CADM2: variants seen among roughly 807,000 people sequenced by gnomAD.
The protein encoded by CADM2 is immunoglobulin superfamily member 4D.
Under a neutral mutation model 49.8 loss-of-function variants are expected in CADM2, and 12 were observed. That is an observed-to-expected ratio of 0.24 (90% confidence interval 0.15 to 0.39). The LOEUF (loss-of-function observed/expected upper bound fraction) is 0.39. Ranked by LOEUF, CADM2 falls within the 10% of genes least tolerant of loss-of-function variation. The pLI is 1.00. For missense variants in CADM2, 378 were observed against 492.3 expected, an observed-to-expected ratio of 0.77 and a Z score of 2.20; for synonymous variants, 214 against 175.4, an observed-to-expected ratio of 1.22 and a Z score of -1.74.
chr3:85,886,637 C>A (rs530651420), intron 5 of CADM2, among the ~76,000 whole-genome samples: 2 of 151,994 alleles, frequency 1.3e-5, no homozygotes, highest in Non-Finnish European at 2.9e-5. Flanking sequence ...CACAATAGTA[C>A]ATATTAGATA....
At chr3:85,857,369 A>G (rs992951809) in intron 3 of CADM2, among the ~76,000 whole-genome samples, 7 of 152,212 alleles carry the variant, frequency 4.6e-5, no homozygotes, top group Non-Finnish European at 7.3e-5. Flanking sequence ...AAATGTCCCA[A>G]TAGCCCTAGG....
At chr3:85,111,783 C>G (rs146166785) in intron 1 of CADM2, among the ~76,000 whole-genome samples, 4 of 151,882 alleles carry the variant, frequency 2.6e-5, no homozygotes, top group East Asian at 3.9e-4. Context: ...AGTATAAATA[C>G]TTGAGGTAAT....
chr3:85,329,210 G>A (rs2044840404), intron 1 of CADM2, among the ~76,000 whole-genome samples: 1 of 152,132 alleles, frequency 6.6e-6, no homozygotes, highest in Admixed American at 6.5e-5. Flanking sequence ...AAGCCACTCA[G>A]TTTGTCCTAC....
At chr3:85,660,456 G>GT (rs2065366397) in intron 1 of CADM2, among the ~76,000 whole-genome samples, 1 of 145,810 alleles carries the variant, frequency 6.9e-6, no homozygotes, top group Admixed American at 6.9e-5. Context: ...TTTTTTTTTA[G>GT]CTCAAAATGA....
intron 1 of CADM2, among the ~76,000 whole-genome samples, chr3:85,657,401 G>A (rs926685200): frequency 2.6e-5 from 4 of 152,012 alleles, no homozygotes; most frequent in African/African-American, 9.7e-5. Context: ...CTCAGTAAAT[G>A]TTAGTTCTCA....
chr3:85,370,241 A>ATAATAG (rs1553714606), intron 1 of CADM2, among the ~76,000 whole-genome samples: 3 of 146,844 alleles, frequency 2.0e-5, no homozygotes, highest in African/African-American at 7.4e-5. Context: ...AATAATAATA[A>ATAATAG]TAATAATAAT....
intron 6 of CADM2, among the ~76,000 whole-genome samples, chr3:85,913,345 T>A (rs1717874006): frequency 6.6e-6 from 1 of 152,156 alleles, no homozygotes; most frequent in Non-Finnish European, 1.5e-5. Flanking sequence ...GAATAGAGGA[T>A]AGGAGATAAT....
chr3:85,034,137 G>A (rs2035104949), intron 1 of CADM2, among the ~76,000 whole-genome samples: 1 of 152,032 alleles, frequency 6.6e-6, no homozygotes, highest in Admixed American at 6.6e-5. Context: ...TCCAATTATA[G>A]TCTTCTAGTT....
intron 1 of CADM2, among the ~76,000 whole-genome samples, chr3:85,106,544 A>G (rs558426276): frequency 3.6e-4 from 55 of 152,286 alleles, no homozygotes; most frequent in Non-Finnish European, 2.9e-5. Flanking sequence ...ATTATGTGAG[A>G]GGTACCATGG....
intron 1 of CADM2, among the ~76,000 whole-genome samples, chr3:85,110,991 T>G (rs1419850340): frequency 6.6e-6 from 1 of 151,918 alleles, no homozygotes; most frequent in African/African-American, 2.4e-5. Flanking sequence ...CAACAGTATG[T>G]CTTTCCCATC....
chr3:85,443,999 TC>T (rs1461532877), intron 1 of CADM2, among the ~76,000 whole-genome samples: 1 of 152,174 alleles, frequency 6.6e-6, no homozygotes, highest in Non-Finnish European at 1.5e-5. Flanking sequence ...GTATTTACCA[TC>T]TCAGTATTGC....
chr3:85,318,176 A>G (rs567598113), intron 1 of CADM2, among the ~76,000 whole-genome samples: 2 of 151,382 alleles, frequency 1.3e-5, no homozygotes, highest in South Asian at 4.1e-4. Flanking sequence ...TCTCAGAAAA[A>G]AAAAAAAGAA....
chr3:85,044,485 A>T (rs1252870869), intron 1 of CADM2, among the ~76,000 whole-genome samples: 1 of 152,178 alleles, frequency 6.6e-6, no homozygotes, highest in South Asian at 2.1e-4. Flanking sequence ...TTATGAAGGG[A>T]TACATTCCAG....
At chr3:85,507,933 T>C (rs2040431588) in intron 1 of CADM2, among the ~76,000 whole-genome samples, 1 of 152,086 alleles carries the variant, frequency 6.6e-6, no homozygotes, top group African/African-American at 2.4e-5. Flanking sequence ...TAAAAAACTA[T>C]AGATATCTGA....
intron 2 of CADM2, among the ~76,000 whole-genome samples, chr3:85,791,534 GAGAGAGAGAA>G (rs1224223136): frequency 3.4e-5 from 5 of 146,228 alleles, no homozygotes; most frequent in Non-Finnish European, 7.4e-5. Flanking sequence ...GAGAGAGAGA[GAGAGAGAGAA>G]AGAGAGAGAG....
chr3:85,863,873 G>A (rs552930834), intron 3 of CADM2, among the ~76,000 whole-genome samples: 1 of 152,306 alleles, frequency 6.6e-6, no homozygotes, highest in South Asian at 2.1e-4. Context: ...AAGTGTAGTA[G>A]CATCTAAGAA....
intron 3 of CADM2, among the ~76,000 whole-genome samples, chr3:85,882,755 C>T (rs59509374): frequency 0.055 from 8,321 of 152,208 alleles, 646 homozygotes; most frequent in African/African-American, 0.17. Context: ...TGGCACCAAC[C>T]AATCAGAGCA....
chr3:85,175,883 A>G (rs2040769345), intron 1 of CADM2, among the ~76,000 whole-genome samples: 1 of 151,488 alleles, frequency 6.6e-6, no homozygotes, highest in South Asian at 2.1e-4. Flanking sequence ...ACTGTTACAT[A>G]AATGACACCA....
intron 1 of CADM2, among the ~76,000 whole-genome samples, chr3:85,043,499 G>A (rs937708243): frequency 6.6e-6 from 1 of 151,680 alleles, no homozygotes; most frequent in Non-Finnish European, 1.5e-5. Flanking sequence ...GGGCAACTTC[G>A]TAAGGCCCCA....
Sources: gnomAD v4.1 joint callset for allele counts (sites outside exome capture counted in the v4.1 genomes callset) on GRCh38, gnomAD v4.1.1 for gene constraint, MANE v1.5 for transcripts, NCBI Gene and HGNC (gene_info 2026-07-23, HGNC 2026-07-21) for gene names.